Variants in SUPT5H observed in about 807,000 individuals in gnomAD.
SUPT5H encodes SPT5 homolog, DSIF elongation factor subunit, also known as transcription elongation factor SPT5.
A neutral mutation model predicts 142.5 loss-of-function variants in SUPT5H; 24 were observed. The observed-to-expected ratio is 0.17, with a 90% CI of 0.12 to 0.24. The LOEUF is 0.24. Ranked by LOEUF, SUPT5H falls within the 10% of genes least tolerant of loss-of-function variation. SUPT5H has a pLI of 1.00. For missense variants in SUPT5H, 893 were observed against 1,471.8 expected (o/e 0.61, Z 6.43); for synonymous variants, 546 against 553.0 (o/e 0.99, Z 0.18).
intron 2 of SUPT5H, among the ~76,000 whole-genome samples, chr19:39,450,549 C>CT (rs145959072): frequency 1.6e-4 from 24 of 152,254 alleles, no homozygotes; most frequent in African/African-American, 5.5e-4. Context: ...GGAGGCAGTC[C>CT]TGAATGGTGG....
chr19:39,472,612 C>T lies in SUPT5H; in HGVS notation c.2035+119C>T. Reference sequence around the variant, plus strand: ...GCTGGGCACTGCTATTAGGGGTTCACCACCCACAGGAGGGTAGACGCCACA... The same window carrying T: ...GCTGGGCACTGCTATTAGGGGTTCATCACCCACAGGAGGGTAGACGCCACA... On this transcript the variant is annotated intron_variant, in intron 21 of 29. Coordinates refer to ENST00000432763, the MANE Select transcript of SUPT5H (RefSeq NM_001111020.3). This position sits in a 1 kb window ranked among gnomAD's most constrained non-coding sequence, Gnocchi z 4.2. 2 of 1,387,004 alleles carry T rather than the reference C, an allele frequency of 1.4e-6. No homozygotes were observed. The highest frequency in any genetic ancestry group is 2.0e-6 in the Non-Finnish European group (2 of 1,012,558). 85.9% of individuals were successfully genotyped at this position (1,387,004 alleles called of 1,614,324 possible). A position where few individuals can be genotyped will look rare whatever the true frequency, so the allele number is the denominator to read the frequency against.
At chr19:39,468,217 A>G (rs1438487414) in intron 13 of SUPT5H, 1 of 154,128 alleles carries the variant, frequency 6.5e-6, no homozygotes. Context: ...GTGGCTTGGC[A>G]CCCTTGGGCA....
At chr19:39,455,011 C>T (rs2079069414) in intron 3 of SUPT5H, among the ~76,000 whole-genome samples, 1 of 152,156 alleles carries the variant, frequency 6.6e-6, no homozygotes, top group Non-Finnish European at 1.5e-5. Flanking sequence ...TGCAGGAACC[C>T]TTTGACCAAG....
intron 2 of SUPT5H, among the ~76,000 whole-genome samples, chr19:39,451,187 C>CTTTTTT (rs36028459): frequency 1.8e-5 from 2 of 111,706 alleles, no homozygotes; most frequent in East Asian, 2.6e-4. Context: ...TGAGCATGAC[C>CTTTTTT]TTTTTTTTTT....
Position 39,455,060 on chromosome 19 carries a change from A to G in SUPT5H, c.241+1539A>G, listed in dbSNP as rs982995944. ...GAATTTACTTTATGGTTAAACTTGC[A>G]TGAGTGCATGAAGACCTGAGAACAA... On this transcript the variant is annotated intron_variant, in intron 3 of 29. Transcript: ENST00000432763. 3.3e-5 allele frequency among the ~76,000 whole-genome samples: 5 copies of G among 152,318 alleles called. No homozygotes were observed. In the East Asian group the frequency reaches 9.6e-4, roughly 29 times the overall value.
In SUPT5H at chr19:39,458,263, C is replaced by A; in HGVS notation, c.308-31C>A. 1 of 1,596,246 alleles carries A rather than the reference C, an allele frequency of 6.3e-7. No individual in the cohort carries two copies. On this transcript the variant is annotated intron_variant, in intron 4 of 29. Coordinates refer to ENST00000432763, the MANE Select transcript of SUPT5H (RefSeq NM_001111020.3). The surrounding 1 kb of genome is among the most constrained non-coding windows in gnomAD (Gnocchi z 4.2). ...CCACCACCACCACCACCACCACCAC[C>A]ACCACCACCACCTCCTCTTCCTCCA...
Position 39,471,623 on chromosome 19 carries a change from C to T in SUPT5H, c.1843C>T (p.Arg615Cys), listed in dbSNP as rs745356627. The change falls in exon 20 of 30, where the codon CGC (arginine) becomes TGC (cysteine). Residue 615 changes from arginine to cysteine, a missense_variant. Coordinates refer to ENST00000432763, the MANE Select transcript of SUPT5H (RefSeq NM_001111020.3). ...GPHSGREGEI[R>C]HLFRSFAFLH... ...CGGCTAGGGCCGAGAAGGGGAGATT[C>T]GCCATCTCTTCCGAAGCTTCGCCTT... 1.2e-6 allele frequency: 2 copies of T among 1,614,194 alleles called. No homozygotes were observed. The highest frequency in any genetic ancestry group is 1.6e-4 in the Middle Eastern group (1 of 6,062).
chr19:39,453,881 G>A (rs940752134), intron 3 of SUPT5H, among the ~76,000 whole-genome samples: 5 of 152,218 alleles, frequency 3.3e-5, no homozygotes, highest in South Asian at 2.1e-4. Flanking sequence ...CTCGTGCTAC[G>A]GCCCCTTCTG....
rs774354703 is a variant in SUPT5H, at chr19:39,474,029, A to G, written c.2559A>G (p.Gly853=). 3 of 1,613,026 alleles carry G rather than the reference A, an allele frequency of 1.9e-6. No individual in the cohort carries two copies. The Admixed American group carries it at 5.0e-5, about 27-fold the overall frequency. ...CCCCGTCCCCGCAGGCCTATGGGGG[A>G]ACCCCCAATCCCCAAACACCTGGCT... ...EPTPSPQAYG[G]TPNPQTPGYP... The change falls in exon 26 of 30, where the codon GGA becomes GGG. Residue 853 remains glycine (G), a synonymous_variant. Transcript: ENST00000432763. This position sits in a 1 kb window ranked among gnomAD's most constrained non-coding sequence, Gnocchi z 6.5.
rs983966784 is a variant in SUPT5H, at chr19:39,458,052, G to C, written c.308-242G>C. 4.0e-6 allele frequency: 3 copies of C among 747,428 alleles called. No individual in the cohort carries two copies. Among genetic ancestry groups the C allele is most frequent in the Non-Finnish European group, 2.1e-6 (1 of 465,636 alleles). The allele number at this position is 747,428 out of a possible 1,614,324, so 46.3% of individuals were successfully genotyped here. A position where few individuals can be genotyped will look rare whatever the true frequency, so the allele number is the denominator to read the frequency against. ...GATACCCCCCACTTCCTGGGCCAGT[G>C]CCCCCCTTTCCCCGTTATTTTCCGT... On this transcript the variant is annotated intron_variant, in intron 4 of 29. Transcript: ENST00000432763. The surrounding 1 kb of genome is among the most constrained non-coding windows in gnomAD (Gnocchi z 4.2).
chr19:39,457,476 G>A (rs1171391739), intron 3 of SUPT5H, among the ~76,000 whole-genome samples, 199 bp from the exon 4 acceptor site: 2 of 152,196 alleles, frequency 1.3e-5, no homozygotes, highest in Non-Finnish European at 2.9e-5. Context: ...GTTAGTTGGA[G>A]CTGTATGTCC....
chr19:39,445,741 C>G, intron 1 of SUPT5H, 63 bp from the exon 2 acceptor site: 1 of 874,002 alleles, frequency 1.1e-6, no homozygotes, highest in South Asian at 1.6e-5. Context: ...GGGGTCCTCA[C>G]TCCGCTTCGC....
rs373018045 is a variant in SUPT5H at position 39,473,252 on chromosome 19, A to G, written c.2308A>G (p.Met770Val). The stretch of plus-strand genomic sequence containing the variant: ...GACCTCGACCTATGGGAGGACGCCC[A>G]TGTATGGCTCCCAGACGCCCATGTA... ...GMTSTYGRTP[M>V]YGSQTPMYGS... The change falls in exon 24 of 30, where the codon ATG becomes GTG. Residue 770 changes from methionine (M) to valine (V), a missense_variant. Met to Val is a conservative substitution (Grantham distance 21). Coordinates refer to ENST00000432763, the MANE Select transcript of SUPT5H (RefSeq NM_001111020.3). This position sits in a 1 kb window ranked among gnomAD's most constrained non-coding sequence, Gnocchi z 5.8. 90 of 1,613,584 alleles carry G rather than the reference A, an allele frequency of 5.6e-5. 1 individual carries two copies. Among genetic ancestry groups the G allele is most frequent in the Non-Finnish European group, 7.5e-5 (89 of 1,179,940 alleles).
chr19:39,462,863 A>G (rs1209317297), intron 10 of SUPT5H, among the ~76,000 whole-genome samples: 12 of 92,964 alleles, frequency 1.3e-4, no homozygotes, highest in African/African-American at 4.2e-4. Context: ...TTTTTGAGAC[A>G]GAGTCTCGCA....
Position 39,469,602 on chromosome 19 carries a change from T to C in SUPT5H, c.1374+204T>C. 1 of 673,106 alleles carries C rather than the reference T, an allele frequency of 1.5e-6. No individual in the cohort carries two copies. Among genetic ancestry groups the C allele is most frequent in the East Asian group, 2.7e-5 (1 of 36,514 alleles). The allele number at this position is 673,106 out of a possible 1,614,324, so 41.7% of individuals were successfully genotyped here. A position where few individuals can be genotyped will look rare whatever the true frequency, so the allele number is the denominator to read the frequency against. ...CAGCAGGCCTGCCTGGTGGTGTCTG[T>C]CTCTGGAGAGTGACTTGGTCTATCT... On this transcript the variant is annotated intron_variant, in intron 16 of 29. Coordinates refer to ENST00000432763, the MANE Select transcript of SUPT5H (RefSeq NM_001111020.3). The surrounding 1 kb of genome is among the most constrained non-coding windows in gnomAD (Gnocchi z 5.1).
intron 2 of SUPT5H, among the ~76,000 whole-genome samples, chr19:39,451,187 C>CTTTTTTT (rs36028459): frequency 1.8e-5 from 2 of 111,710 alleles, no homozygotes; most frequent in East Asian, 2.6e-4. Flanking sequence ...TGAGCATGAC[C>CTTTTTTT]TTTTTTTTTT....
chr19:39,455,913 G>A (rs913332470), intron 3 of SUPT5H, among the ~76,000 whole-genome samples: 3 of 140,518 alleles, frequency 2.1e-5, no homozygotes, highest in African/African-American at 5.4e-5. Context: ...GAACCACTGC[G>A]CCCCGCCTCT....
chr19:39,458,643 A>C lies in SUPT5H; in HGVS notation c.320-175A>C. 2.7e-6 allele frequency: 2 copies of C among 730,022 alleles called. No homozygotes were observed. Among genetic ancestry groups the C allele is most frequent in the Non-Finnish European group, 4.4e-6 (2 of 450,332 alleles). The allele number at this position is 730,022 out of a possible 1,614,324, so 45.2% of individuals were successfully genotyped here. On this transcript the variant is annotated intron_variant, in intron 5 of 29. Transcript: ENST00000432763. The surrounding 1 kb of genome is among the most constrained non-coding windows in gnomAD (Gnocchi z 4.2). ...CCCCATCCCCAGTCTTTTTGACAAGAAGCAGGATGCTGAGTAGGACAGAGT... is the reference window on the plus strand; with the variant it reads ...CCCCATCCCCAGTCTTTTTGACAAGCAGCAGGATGCTGAGTAGGACAGAGT...
intron 7 of SUPT5H, 46 bp from the exon 8 acceptor site, chr19:39,459,138 G>C: frequency 1.2e-6 from 2 of 1,612,604 alleles, no homozygotes; most frequent in Non-Finnish European, 1.7e-6. Flanking sequence ...AAGGGGCGGG[G>C]ATCTGACAGA....
Sources: gnomAD v4.1 joint callset for allele counts (sites outside exome capture counted in the v4.1 genomes callset) on GRCh38, gnomAD v4.1.1 for gene constraint, Gnocchi (gnomAD v3.1) non-coding constraint, MANE v1.5 for transcripts, NCBI Gene and HGNC (gene_info 2026-07-23, HGNC 2026-07-21) for gene names.